The following PRMT3 variants were observed in gnomAD, a reference collection of about 807,000 sequenced individuals.
The protein encoded by PRMT3 is protein arginine N-methyltransferase 3.
Under a neutral mutation model 71.9 loss-of-function variants are expected in PRMT3, and 62 were observed. The ratio of observed to expected loss-of-function variants is 0.86; its 90% CI spans 0.70 to 1.07. The LOEUF is 1.07. PRMT3 is among the 50% of genes least tolerant of loss of function. The pLI is 0.00. For missense variants in PRMT3, 663 were observed against 643.0 expected (o/e 1.03, Z -0.34); for synonymous variants, 213 against 220.4 (o/e 0.97, Z 0.30).
At chr11:20,483,060 C>T (rs1353849788) in intron 13 of PRMT3, among the ~76,000 whole-genome samples, 2 of 152,024 alleles carry the variant, frequency 1.3e-5, no homozygotes, top group African/African-American at 4.8e-5. Context: ...TATATCACAT[C>T]TTCTATATGT....
chr11:20,487,132 A>C (rs1427201921), intron 13 of PRMT3, among the ~76,000 whole-genome samples: 3 of 152,138 alleles, frequency 2.0e-5, no homozygotes, highest in Non-Finnish European at 2.9e-5. Flanking sequence ...GAAGAGAAAG[A>C]ATTTGCCTTA....
chr11:20,504,707 T>TGTGTGTGTGAGAGAGAGAGAGAGA (rs1332372470), intron 15 of PRMT3, among the ~76,000 whole-genome samples: 9 of 133,586 alleles, frequency 6.7e-5, no homozygotes, highest in African/African-American at 2.7e-4. Context: ...TGTGTGTGTG[T>TGTGTGTGTGAGAGAGAGAGAGAGA]GAGAGAGAGA....
intron 13 of PRMT3, among the ~76,000 whole-genome samples, chr11:20,491,347 G>A (rs1851201418): frequency 6.6e-6 from 1 of 152,138 alleles, no homozygotes; most frequent in African/African-American, 2.4e-5. Context: ...TTTCTCCTGA[G>A]AGTTGTTCAA....
chr11:20,394,192 TATTTGC>T (rs1337435435), intron 5 of PRMT3, among the ~76,000 whole-genome samples: 2 of 152,372 alleles, frequency 1.3e-5, no homozygotes, highest in Non-Finnish European at 2.9e-5. Context: ...GAAAATGTAA[TATTTGC>T]ACTGCTCACT....
At chr11:20,460,278 T>G (rs1192977989) in intron 11 of PRMT3, among the ~76,000 whole-genome samples, 1 of 152,192 alleles carries the variant, frequency 6.6e-6, no homozygotes, top group African/African-American at 2.4e-5. Context: ...CTGCATTTCT[T>G]TGGTACATTT....
At chr11:20,450,725 G>T (rs570912566) in intron 10 of PRMT3, among the ~76,000 whole-genome samples, 2 of 152,256 alleles carry the variant, frequency 1.3e-5, no homozygotes, top group East Asian at 3.9e-4. Context: ...ATTCAAGCAT[G>T]AGAGCTGTAT....
chr11:20,495,597 T>C (rs1229292713), intron 15 of PRMT3, among the ~76,000 whole-genome samples: 2 of 152,194 alleles, frequency 1.3e-5, no homozygotes, highest in African/African-American at 2.4e-5. Context: ...CCAAATCTTA[T>C]GCAGTATTCA....
chr11:20,491,956 A>G (rs1036171597), intron 13 of PRMT3, among the ~76,000 whole-genome samples: 1 of 152,216 alleles, frequency 6.6e-6, no homozygotes. Context: ...GCTTTAATAA[A>G]GTATACTGAC....
intron 10 of PRMT3, among the ~76,000 whole-genome samples, chr11:20,439,948 C>G (rs1475335442): frequency 6.6e-6 from 1 of 152,150 alleles, no homozygotes; most frequent in Non-Finnish European, 1.5e-5. Context: ...CTGTGTAACC[C>G]ATACTCATAA....
intron 10 of PRMT3, among the ~76,000 whole-genome samples, chr11:20,449,526 T>C (rs1167742137): frequency 6.6e-6 from 1 of 152,148 alleles, no homozygotes; most frequent in Non-Finnish European, 1.5e-5. Context: ...TCACTCCCCA[T>C]TTATGTGACC....
intron 9 of PRMT3, among the ~76,000 whole-genome samples, chr11:20,411,351 C>CT (rs1408145117): frequency 6.6e-6 from 1 of 152,102 alleles, no homozygotes; most frequent in Non-Finnish European, 1.5e-5. Flanking sequence ...ATCTCGAACA[C>CT]TAATTTTAAT....
At chr11:20,461,515 A>G (rs1218847976) in intron 11 of PRMT3, among the ~76,000 whole-genome samples, 3 of 152,228 alleles carry the variant, frequency 2.0e-5, no homozygotes, top group Admixed American at 1.3e-4. Context: ...ATATTTTTCT[A>G]TTAAATGAGA....
At chr11:20,434,312 G>A (rs1849717951) in intron 10 of PRMT3, among the ~76,000 whole-genome samples, 1 of 152,060 alleles carries the variant, frequency 6.6e-6, no homozygotes, top group East Asian at 1.9e-4. Flanking sequence ...ATATTTTCTT[G>A]CATTCTAAGG....
At chr11:20,480,959 A>T (rs1209281485) in intron 13 of PRMT3, among the ~76,000 whole-genome samples, 2 of 152,176 alleles carry the variant, frequency 1.3e-5, no homozygotes, top group Non-Finnish European at 2.9e-5. Flanking sequence ...TAGGAAATTG[A>T]AACACAGTTC....
intron 13 of PRMT3, among the ~76,000 whole-genome samples, chr11:20,476,234 T>C (rs566517195): frequency 2.0e-5 from 3 of 151,952 alleles, no homozygotes; most frequent in African/African-American, 7.2e-5. Flanking sequence ...GCGCCTGTAA[T>C]CCCAGCTACT....
At chr11:20,467,132 C>T (rs78934842) in intron 13 of PRMT3, among the ~76,000 whole-genome samples, 4,542 of 152,194 alleles carry the variant, frequency 0.03, 230 homozygotes, top group African/African-American at 0.1. Context: ...TTGTTACAAA[C>T]CATTTATTGG....
chr11:20,432,344 C>A (rs1590059841), intron 10 of PRMT3, among the ~76,000 whole-genome samples: 1 of 151,724 alleles, frequency 6.6e-6, no homozygotes. Flanking sequence ...AAAAGTAAAC[C>A]CTTCAAATTT....
At chr11:20,421,745 C>CT (rs1328844283) in intron 9 of PRMT3, among the ~76,000 whole-genome samples, 1 of 151,914 alleles carries the variant, frequency 6.6e-6, no homozygotes, top group African/African-American at 2.4e-5. Context: ...TTTGATTTTC[C>CT]TTTTCCTTTC....
intron 10 of PRMT3, 88 bp downstream of exon 10, chr11:20,426,953 A>T (rs1307460144): frequency 1.3e-5 from 18 of 1,421,248 alleles, no homozygotes; most frequent in Non-Finnish European, 1.6e-5. Context: ...ATTATATTTG[A>T]TACATGGCAG....
Sources: gnomAD v4.1 joint callset for allele counts (sites outside exome capture counted in the v4.1 genomes callset) on GRCh38, gnomAD v4.1.1 for gene constraint, MANE v1.5 for transcripts, NCBI Gene and HGNC (gene_info 2026-07-23, HGNC 2026-07-21) for gene names.